The following SBNO2 variants were observed in gnomAD, a reference collection of about 807,000 sequenced individuals.
SBNO2 encodes the protein protein strawberry notch homolog 2.
SBNO2 carries 89 observed loss-of-function variants against 146.3 expected under a neutral mutation model. That is an observed-to-expected ratio of 0.61 (90% CI 0.51 to 0.73). The LOEUF (loss-of-function observed/expected upper bound fraction) is 0.73. Ranked by LOEUF, SBNO2 falls within the 30% of genes least tolerant of loss-of-function variation. SBNO2 has a pLI of 0.00. For synonymous variants in SBNO2, 1,147 were observed against 892.6 expected (o/e 1.29, Z -5.08); for missense variants, 2,092 against 2,003.7 (o/e 1.04, Z -0.84).
intron 1 of SBNO2, among the ~76,000 whole-genome samples, chr19:1,170,827 G>C (rs1209889443): frequency 6.6e-6 from 1 of 151,914 alleles, no homozygotes; most frequent in Non-Finnish European, 1.5e-5. Context: ...GTTTGCATGA[G>C]CACGGGTGCA....
intron 4 of SBNO2, among the ~76,000 whole-genome samples, chr19:1,130,956 G>T (rs988407637): frequency 1.3e-5 from 2 of 152,164 alleles, no homozygotes; most frequent in African/African-American, 4.8e-5. Flanking sequence ...CTTCTAGCAG[G>T]TGCCCTCAGC....
intron 1 of SBNO2, among the ~76,000 whole-genome samples, chr19:1,160,529 C>A (rs2080333631): frequency 6.6e-6 from 1 of 152,080 alleles, no homozygotes; most frequent in Admixed American, 6.5e-5. Flanking sequence ...GCTGGAGCCA[C>A]CGGGGGTCTC....
chr19:1,124,839 G>A (rs1410346846), intron 5 of SBNO2, among the ~76,000 whole-genome samples: 4 of 152,086 alleles, frequency 2.6e-5, no homozygotes, highest in Non-Finnish European at 4.4e-5. Flanking sequence ...CCCACCCAGG[G>A]GTCTCCGAAC....
intron 1 of SBNO2, among the ~76,000 whole-genome samples, chr19:1,164,686 GGAGGAGGAA>G (rs2080390028): frequency 1.1e-3 from 27 of 23,830 alleles, no homozygotes; most frequent in East Asian, 3.6e-3. Context: ...AGGAGGAGGA[GGAGGAGGAA>G]GAACAGGAGG....
chr19:1,128,268 G>C (rs752664207), intron 4 of SBNO2: 4 of 471,350 alleles, frequency 8.5e-6, no homozygotes, highest in Non-Finnish European at 1.7e-5. Context: ...TCGGGTCTGG[G>C]GTGAGCCTGG....
At chr19:1,115,639 G>C (rs917263944) in intron 17 of SBNO2, 4 of 302,886 alleles carry the variant, frequency 1.3e-5, no homozygotes, top group African/African-American at 8.8e-5. Context: ...ACCAGACTTC[G>C]ACAGGCAGCT....
At chr19:1,135,872 G>A (rs908227524) in intron 4 of SBNO2, among the ~76,000 whole-genome samples, 2 of 152,176 alleles carry the variant, frequency 1.3e-5, no homozygotes, top group Admixed American at 6.5e-5. Flanking sequence ...TGGTGGCTGG[G>A]AGAAGGGCCC....
chr19:1,132,081 G>A (rs757335097), intron 4 of SBNO2: 2 of 1,530,598 alleles, frequency 1.3e-6, no homozygotes, highest in Non-Finnish European at 1.8e-6. Context: ...CCCGGGAAGG[G>A]AGTGTTACCT....
Position 1,112,325 on chromosome 19 carries a change from G to C in SBNO2, c.2516-24C>G. 2 of 1,571,310 alleles carry C rather than the reference G, an allele frequency of 1.3e-6. No individual in the cohort carries two copies. Among genetic ancestry groups the C allele is most frequent in the East Asian group, 4.7e-5 (2 of 42,806 alleles). The stretch of plus-strand genomic sequence containing the variant: ...GCCTGGGGGCAGAGCTGCTCTCAGG[G>C]CCCGGCCAGGCGGGGGCGGGGCCGA... On this transcript the variant is annotated intron_variant, in intron 21 of 31. Transcript: ENST00000361757. This position sits in a 1 kb window ranked among gnomAD's most constrained non-coding sequence, Gnocchi z 5.9.
intron 14 of SBNO2, among the ~76,000 whole-genome samples, chr19:1,118,493 A>G (rs867756507): frequency 2.6e-5 from 4 of 152,220 alleles, no homozygotes; most frequent in South Asian, 4.1e-4. Context: ...GCTGTGGGCC[A>G]GGACCTGGGG....
rs1260520791 is a variant in SBNO2, at chr19:1,140,286, C to T, written c.279+7023G>A. Reference sequence around the variant, plus strand: ...CTGCACTCCAGCCTGGGCGACAGAGCGAGATTTCATCTCAAAAAAAAAAAA... The same window carrying T: ...CTGCACTCCAGCCTGGGCGACAGAGTGAGATTTCATCTCAAAAAAAAAAAA... On this transcript the variant is annotated intron_variant, in intron 4 of 31. Coordinates refer to ENST00000361757, the MANE Select transcript of SBNO2 (RefSeq NM_014963.3). This position sits in a 1 kb window ranked among gnomAD's most constrained non-coding sequence, Gnocchi z 4.4. Among the ~76,000 whole-genome samples the T allele has an allele frequency of 2.0e-5, 3 of 149,406 alleles. No individual in the cohort carries two copies. The highest frequency in any genetic ancestry group is 4.9e-5 in the African/African-American group (2 of 40,468).
chr19:1,166,405 G>A (rs1345383676), intron 1 of SBNO2, among the ~76,000 whole-genome samples: 3 of 152,200 alleles, frequency 2.0e-5, no homozygotes, highest in Admixed American at 6.5e-5. Flanking sequence ...AGGCCTGTCC[G>A]CCTGGACAGG....
intron 2 of SBNO2, among the ~76,000 whole-genome samples, chr19:1,152,401 G>A (rs1214772625): frequency 6.6e-6 from 1 of 152,186 alleles, no homozygotes; most frequent in African/African-American, 2.4e-5. Flanking sequence ...CCCAGGGTGT[G>A]TTTCCGAGAT....
chr19:1,110,705 CCCACACCCACCCACA>C lies in SBNO2; in HGVS notation c.3028+25_3028+39del. The stretch of plus-strand genomic sequence containing the variant: ...GCATGGCGTTCCCACGAGCCCCGCA[CCCACACCCACCCACA>C]CCACACCCCGGCACCTGTGCTCACC... On this transcript the variant is annotated intron_variant, in intron 26 of 31. Coordinates refer to ENST00000361757, the MANE Select transcript of SBNO2 (RefSeq NM_014963.3). This position sits in a 1 kb window ranked among gnomAD's most constrained non-coding sequence, Gnocchi z 4.9. 6.2e-7 allele frequency: 1 copy of C among 1,608,904 alleles called. No individual in the cohort carries two copies. The highest frequency in any genetic ancestry group is 8.5e-7 in the Non-Finnish European group (1 of 1,176,808).
At chr19:1,125,955 C>T (rs750806450) in intron 5 of SBNO2, among the ~76,000 whole-genome samples, 1 of 152,114 alleles carries the variant, frequency 6.6e-6, no homozygotes, top group Non-Finnish European at 1.5e-5. Flanking sequence ...GGTTGCGCCA[C>T]CACACTCCAG....
rs965252083 is a variant in SBNO2, at chr19:1,110,372, C to T, written c.3028+373G>A. Among the ~76,000 whole-genome samples, 3 of 152,156 alleles carry T rather than the reference C, an allele frequency of 2.0e-5. No individual in the cohort carries two copies. The highest frequency in any genetic ancestry group is 4.4e-5 in the Non-Finnish European group (3 of 68,020). ...GCCTGGGGATGAGCATGGTGGGCAG[C>T]GTGCACCAGCCTGGGCACCTTCCAG... On this transcript the variant is annotated intron_variant, in intron 26 of 31. Transcript: ENST00000361757. The surrounding 1 kb of genome is among the most constrained non-coding windows in gnomAD (Gnocchi z 4.9).
Position 1,154,347 on chromosome 19 carries a change from G to C in SBNO2, c.-71C>G. ...GGACTCCAGGACCCGGGGCCGCCGG[G>C]GCGTCTATCTGGGCTTCTCGCTCCG... On this transcript the variant is annotated 5_prime_UTR_variant, in exon 2 of 32. Coordinates refer to ENST00000361757, the MANE Select transcript of SBNO2 (RefSeq NM_014963.3). The C allele has an allele frequency of 1.2e-6, 1 of 852,182 alleles. No individual in the cohort carries two copies. The highest frequency in any genetic ancestry group is 1.6e-6 in the Non-Finnish European group (1 of 640,150). 52.8% of individuals were successfully genotyped at this position (852,182 alleles called of 1,614,324 possible).
At chr19:1,120,460 A>G (rs1037953624) in intron 11 of SBNO2, among the ~76,000 whole-genome samples, 1 of 151,916 alleles carries the variant, frequency 6.6e-6, no homozygotes, top group African/African-American at 2.4e-5. Context: ...TCTGCCTCTC[A>G]GATTCAAGTG....
chr19:1,127,787 G>A (rs373034298), intron 4 of SBNO2, 22 bp from the exon 5 acceptor site: 36 of 1,609,982 alleles, frequency 2.2e-5, no homozygotes, highest in Middle Eastern at 3.3e-4. Context: ...GGCCAGGCCC[G>A]GTGAGGGTGG....
Sources: allele counts gnomAD v4.1 joint callset (sites outside exome capture counted in the v4.1 genomes callset), GRCh38; gene constraint gnomAD v4.1.1; non-coding constraint Gnocchi (gnomAD v3.1); transcripts MANE v1.5; gene names NCBI Gene and HGNC (gene_info 2026-07-23, HGNC 2026-07-21).